KIF13A: variants seen among roughly 807,000 people sequenced by gnomAD.
The protein encoded by KIF13A is kinesin family member 13A, also known as kinesin-like protein KIF13A.
Under a neutral mutation model 212.2 loss-of-function variants are expected in KIF13A, and 79 were observed. The observed-to-expected ratio is 0.37, with a 90% CI of 0.31 to 0.45. The LOEUF is 0.45. Ranked by LOEUF, KIF13A falls within the 20% of genes least tolerant of loss-of-function variation. KIF13A has a pLI of 1.00. For missense variants in KIF13A, 1,901 were observed against 2,209.0 expected (o/e 0.86, Z 2.79); for synonymous variants, 789 against 808.6 (o/e 0.98, Z 0.41).
chr6:17,890,475 A>G (rs1261649456), intron 3 of KIF13A, among the ~76,000 whole-genome samples: 2 of 152,040 alleles, frequency 1.3e-5, no homozygotes, highest in Admixed American at 6.6e-5. Context: ...GACTGAGGAC[A>G]CTTCCCTGTA....
chr6:17,946,595 A>C (rs1777420959), intron 2 of KIF13A, among the ~76,000 whole-genome samples: 1 of 152,238 alleles, frequency 6.6e-6, no homozygotes, highest in South Asian at 2.1e-4. Flanking sequence ...ATATCATTTC[A>C]CATGCTCTGC....
intron 22 of KIF13A, among the ~76,000 whole-genome samples, chr6:17,797,938 TG>T (rs1381015091): frequency 3.9e-5 from 6 of 152,002 alleles, no homozygotes; most frequent in Non-Finnish European, 7.4e-5. Flanking sequence ...TGTGAGGAAA[TG>T]AATACTGAAC....
At chr6:17,931,621 AG>A (rs1389012599) in intron 2 of KIF13A, among the ~76,000 whole-genome samples, 1 of 152,182 alleles carries the variant, frequency 6.6e-6, no homozygotes, top group Non-Finnish European at 1.5e-5. Flanking sequence ...CCTGGACTCA[AG>A]TGATCTTCCT....
intron 2 of KIF13A, among the ~76,000 whole-genome samples, chr6:17,917,554 T>C (rs1039475665): frequency 6.6e-6 from 1 of 152,172 alleles, no homozygotes; most frequent in African/African-American, 2.4e-5. Flanking sequence ...CACATGGTTC[T>C]TGACACCTTA....
At chr6:17,801,484 AGAGT>A (rs1228657458) in intron 20 of KIF13A, among the ~76,000 whole-genome samples, 2 of 152,212 alleles carry the variant, frequency 1.3e-5, no homozygotes, top group Non-Finnish European at 2.9e-5. Context: ...CCTGGGCAAC[AGAGT>A]GAGACTCGGT....
chr6:17,887,349 C>T lies in KIF13A; in HGVS notation c.159+10819G>A, dbSNP rs577135717. On this transcript the variant is annotated intron_variant, in intron 3 of 38. Coordinates refer to ENST00000259711, the MANE Select transcript of KIF13A (RefSeq NM_022113.6). ...AGCCATTGAACATTTAAGGTTGTTA[C>T]TGTTGCATCACGGAGCATAAGCAGG... 2.0e-5 allele frequency among the ~76,000 whole-genome samples: 3 copies of T among 152,332 alleles called. No individual in the cohort carries two copies. In the South Asian group the frequency reaches 6.2e-4, roughly 32 times the overall value.
chr6:17,785,655 T>C lies in KIF13A; in HGVS notation c.3362-14A>G. 6.3e-7 allele frequency: 1 copy of C among 1,596,584 alleles called. No homozygotes were observed. The highest frequency in any genetic ancestry group is 8.5e-7 in the Non-Finnish European group (1 of 1,171,860). ...CCTCTGTTTTCTCTGCAGAAAAAAA[T>C]GAGGAGATCAATGCCAACAAGAGAG... On this transcript the variant is annotated splice_polypyrimidine_tract_variant and intron_variant, in intron 27 of 38. Coordinates refer to ENST00000259711, the MANE Select transcript of KIF13A (RefSeq NM_022113.6). The surrounding 1 kb of genome is among the most constrained non-coding windows in gnomAD (Gnocchi z 5.8).
In KIF13A at chr6:17,987,509, GGCGGCCCCTCACGC is replaced by G; in HGVS notation, c.-60_-47del. 9 of 1,072,518 alleles carry G rather than the reference GGCGGCCCCTCACGC, an allele frequency of 8.4e-6. No individual in the cohort carries two copies. Among genetic ancestry groups the G allele is most frequent in the Non-Finnish European group, 1.0e-5 (9 of 871,176 alleles). The allele number at this position is 1,072,518 out of a possible 1,614,324, so 66.4% of individuals were successfully genotyped here. ...CGCTCGCCGCGCCCGCTCGGCCTTAGGCGGCCCCTCACGCGCGGCGCCGCCGCCGCTGCAGCCGC... is the reference window on the plus strand; with the variant it reads ...CGCTCGCCGCGCCCGCTCGGCCTTAGGCGGCGCCGCCGCCGCTGCAGCCGC... On this transcript the variant is annotated 5_prime_UTR_variant, in exon 1 of 39. It removes the in-frame stop codon of an upstream open reading frame in the 5' UTR. Coordinates refer to ENST00000259711, the MANE Select transcript of KIF13A (RefSeq NM_022113.6). The surrounding 1 kb of genome is among the most constrained non-coding windows in gnomAD (Gnocchi z 7.7).
At chr6:17,831,723 T>C (rs1765473212) in intron 12 of KIF13A, among the ~76,000 whole-genome samples, 1 of 147,920 alleles carries the variant, frequency 6.8e-6, no homozygotes, top group African/African-American at 2.5e-5. Context: ...ACATACTAGA[T>C]GATTTCAGGG....
At chr6:17,851,042 A>C (rs2150399780) in intron 7 of KIF13A, among the ~76,000 whole-genome samples, 1 of 152,316 alleles carries the variant, frequency 6.6e-6, no homozygotes, top group Non-Finnish European at 1.5e-5. Flanking sequence ...TGGGATGCAA[A>C]TAGAGCACCC....
chr6:17,847,037 T>C (rs1411928815), intron 9 of KIF13A, among the ~76,000 whole-genome samples: 3 of 152,218 alleles, frequency 2.0e-5, no homozygotes, highest in Non-Finnish European at 4.4e-5. Flanking sequence ...TGATGTGACA[T>C]TGCATATGGA....
At chr6:17,960,502 G>C (rs1778718626) in intron 2 of KIF13A, among the ~76,000 whole-genome samples, 1 of 152,166 alleles carries the variant, frequency 6.6e-6, no homozygotes, top group Non-Finnish European at 1.5e-5. Context: ...GATCAGCCTG[G>C]CTAACAAATC....
intron 16 of KIF13A, among the ~76,000 whole-genome samples, chr6:17,823,095 G>A (rs1764613691): frequency 6.6e-6 from 1 of 150,880 alleles, no homozygotes; most frequent in Non-Finnish European, 1.5e-5. Flanking sequence ...GGAGTGCAAT[G>A]GCACCATCTC....
At chr6:17,917,945 G>A (rs1294988752) in intron 2 of KIF13A, among the ~76,000 whole-genome samples, 2 of 152,014 alleles carry the variant, frequency 1.3e-5, no homozygotes, top group African/African-American at 2.4e-5. Flanking sequence ...CCCTCTGCCA[G>A]GAATACCCTC....
At chr6:17,860,725 CA>C (rs60412097) in intron 4 of KIF13A, among the ~76,000 whole-genome samples, 3,715 of 108,370 alleles carry the variant, frequency 0.034, 62 homozygotes, top group South Asian at 0.079. Flanking sequence ...GACTCTGTCT[CA>C]AAAAAAAAAA....
rs564797562 is a variant in KIF13A, at chr6:17,949,881, G to C, written c.146+37173C>G. Among the ~76,000 whole-genome samples, 309 of 152,192 alleles carry C rather than the reference G, an allele frequency of 2.0e-3. 2 individuals are homozygous for C. Among genetic ancestry groups the C allele is most frequent in the African/African-American group, 7.1e-3 (296 of 41,548 alleles). Reference sequence around the variant, plus strand: ...AGAGATAACAAATGCACTATTGGTGGTTTTAAAAGTAATAATTATAATGAT... The same window carrying C: ...AGAGATAACAAATGCACTATTGGTGCTTTTAAAAGTAATAATTATAATGAT... On this transcript the variant is annotated intron_variant, in intron 2 of 38. Coordinates refer to ENST00000259711, the MANE Select transcript of KIF13A (RefSeq NM_022113.6).
Position 17,785,776 on chromosome 6 carries a change from G to T in KIF13A, c.3362-135C>A. On this transcript the variant is annotated intron_variant, in intron 27 of 38. Transcript: ENST00000259711. The surrounding 1 kb of genome is among the most constrained non-coding windows in gnomAD (Gnocchi z 5.8). ...AAAAAAAAAAAAATAGTTGGGCAGG[G>T]TGGTGGTACGCATGCCTGTAGTCCC... 1 of 890,886 alleles carries T rather than the reference G, an allele frequency of 1.1e-6. No individual in the cohort carries two copies. The highest frequency in any genetic ancestry group is 1.7e-6 in the Non-Finnish European group (1 of 582,094). The allele number at this position is 890,886 out of a possible 1,614,324, so 55.2% of individuals were successfully genotyped here.
At position 17,772,981 on chromosome 6, in the gene KIF13A, G is replaced by GAT. The variant is rs1455531301; in HGVS notation, c.4324+495_4324+496dup. 6.6e-6 allele frequency among the ~76,000 whole-genome samples: 1 copy of GAT among 152,200 alleles called. No homozygotes were observed. The highest frequency in any genetic ancestry group is 1.9e-4 in the East Asian group (1 of 5,174). On this transcript the variant is annotated intron_variant, in intron 36 of 38. Coordinates refer to ENST00000259711, the MANE Select transcript of KIF13A (RefSeq NM_022113.6). The surrounding 1 kb of genome is among the most constrained non-coding windows in gnomAD (Gnocchi z 4.8). The stretch of plus-strand genomic sequence containing the variant: ...ATATAAGGTATAAGGTAACAGAACC[G>GAT]ATATATATGGCCAAAGAATACTGTT...
In KIF13A at chr6:17,923,928, C is replaced by T. The variant is rs1775288249; in HGVS notation, c.147-25748G>A. Reference sequence around the variant, plus strand: ...TAATAACCAGTATTTACATGATCAGCCCTCTCAGGTCAGGCCCAGTCCTCA... The same window carrying T: ...TAATAACCAGTATTTACATGATCAGTCCTCTCAGGTCAGGCCCAGTCCTCA... On this transcript the variant is annotated intron_variant, in intron 2 of 38. Coordinates refer to ENST00000259711, the MANE Select transcript of KIF13A (RefSeq NM_022113.6). 1.3e-5 allele frequency among the ~76,000 whole-genome samples: 2 copies of T among 152,084 alleles called. 1 individual carries two copies. Among genetic ancestry groups the T allele is most frequent in the Non-Finnish European group, 2.9e-5 (2 of 68,032 alleles).
Sources: gnomAD v4.1 joint callset for allele counts (sites outside exome capture counted in the v4.1 genomes callset) on GRCh38, gnomAD v4.1.1 for gene constraint, Gnocchi (gnomAD v3.1) non-coding constraint, MANE v1.5 for transcripts, NCBI Gene and HGNC (gene_info 2026-07-23, HGNC 2026-07-21) for gene names.